The following ATP13A3 variants were observed in gnomAD, a reference collection of about 807,000 sequenced individuals.
ATP13A3 encodes the protein ATPase 13A3, also known as polyamine-transporting ATPase 13A3.
In ATP13A3, 59 loss-of-function variants were observed where a neutral mutation model predicts 158.1. The ratio of observed to expected loss-of-function variants is 0.37; its 90% confidence interval spans 0.30 to 0.46. The LOEUF (loss-of-function observed/expected upper bound fraction) is 0.46. ATP13A3 is among the 20% of genes least tolerant of loss of function. ATP13A3 has a pLI of 1.00. For synonymous variants in ATP13A3, 491 were observed against 504.3 expected, an observed-to-expected ratio of 0.97 and a Z score of 0.35; for missense variants, 1,166 against 1,525.2, an observed-to-expected ratio of 0.76 and a Z score of 3.92.
At position 194,405,948 on chromosome 3, in the gene ATP13A3, C is replaced by G; in HGVS notation, c.3742G>C (p.Gly1248Arg). The change falls in exon 34 of 34, where the codon GGA (glycine) becomes CGA (arginine). Residue 1248 changes from glycine (G) to arginine (R), a missense_variant. By Grantham distance (125) the Gly-to-Arg change is moderately radical. Coordinates refer to ENST00000645319, the MANE Select transcript of ATP13A3 (RefSeq NM_001367549.1). ...GTTATGGTGATGATTTGACATGATC[C>G]ATTCTCCTTAACTAAAGCTTTAGCT... Reference protein sequence around the residue: ...TEAKALVKENGSCQIITIT With the variant: ...TEAKALVKENRSCQIITIT 6.2e-7 allele frequency: 1 copy of G among 1,614,030 alleles called. No homozygotes were observed. The highest frequency in any genetic ancestry group is 2.2e-5 in the East Asian group (1 of 44,864).
Position 194,416,383 on chromosome 3 carries a change from G to A in ATP13A3, c.3403-2544C>T, listed in dbSNP as rs577355310. ...TGAGGCAGGAGAATTGCTTGAACCC[G>A]GGAGGTGGAGGTTGCAGTGAGCCGA... On this transcript the variant is annotated intron_variant, in intron 31 of 33. Coordinates refer to ENST00000645319, the MANE Select transcript of ATP13A3 (RefSeq NM_001367549.1). Among the ~76,000 whole-genome samples, 482 of 152,036 alleles carry A rather than the reference G, an allele frequency of 3.2e-3. 1 individual carries two copies. The highest frequency in any genetic ancestry group is 6.0e-3 in the South Asian group (29 of 4,800).
chr3:194,475,392 A>G (rs1317040696), intron 2 of ATP13A3, among the ~76,000 whole-genome samples: 1 of 152,208 alleles, frequency 6.6e-6, no homozygotes, highest in South Asian at 2.1e-4. Flanking sequence ...GCACAAAATC[A>G]CTAGGAAGCT....
At chr3:194,410,320 A>C (rs9831832) in intron 33 of ATP13A3, among the ~76,000 whole-genome samples, 5,862 of 125,870 alleles carry the variant, frequency 0.047, 525 homozygotes, top group African/African-American at 0.16. Context: ...AAAAAAAAAA[A>C]AAAAAAAAAA....
At chr3:194,415,459 C>T (rs1715764931) in intron 31 of ATP13A3, among the ~76,000 whole-genome samples, 1 of 152,004 alleles carries the variant, frequency 6.6e-6, no homozygotes, top group Non-Finnish European at 1.5e-5. Flanking sequence ...TATCTAAACC[C>T]CTCAATGAAA....
At chr3:194,421,124 A>ATATATATATAGTT (rs1716275350) in intron 30 of ATP13A3, among the ~76,000 whole-genome samples, 1 of 70,598 alleles carries the variant, frequency 1.4e-5, no homozygotes, top group South Asian at 4.6e-4. Flanking sequence ...GTATATATAT[A>ATATATATATAGTT]TATATATATA....
At chr3:194,483,812 G>A (rs941345507) in intron 2 of ATP13A3, among the ~76,000 whole-genome samples, 3 of 152,174 alleles carry the variant, frequency 2.0e-5, no homozygotes, top group Non-Finnish European at 4.4e-5. Context: ...TGCCTATCGA[G>A]CAGCCCTGTT....
Position 194,447,065 on chromosome 3 carries a change from A to G in ATP13A3, c.1359T>C (p.Thr453=), listed in dbSNP as rs1718455247. 1.2e-6 allele frequency: 2 copies of G among 1,612,324 alleles called. No individual in the cohort carries two copies. The highest frequency in any genetic ancestry group is 1.7e-6 in the Non-Finnish European group (2 of 1,179,610). The stretch of plus-strand genomic sequence containing the variant: ...TTGCAGCAGGAAGTGCAGGGGGCAC[A>G]GTAATTGTGATAATATCAAGAGACT... ...IIESLDIITI[T]VPPALPAAMT... Residue 453 remains threonine, a synonymous_variant, in exon 14 of 34, where the codon ACT becomes ACC. Coordinates refer to ENST00000645319, the MANE Select transcript of ATP13A3 (RefSeq NM_001367549.1).
At chr3:194,418,327 A>C (rs944626002) in intron 31 of ATP13A3, among the ~76,000 whole-genome samples, 23 of 151,788 alleles carry the variant, frequency 1.5e-4, no homozygotes, top group African/African-American at 5.6e-4. Flanking sequence ...GTCAGACTAT[A>C]AGTTTGTTTT....
At chr3:194,428,819 A>G in intron 28 of ATP13A3, 26 bp downstream of exon 28, 1 of 1,516,492 alleles carries the variant, frequency 6.6e-7, no homozygotes, top group South Asian at 1.2e-5. Flanking sequence ...ACACTTTAAA[A>G]ATCAATAACA....
intron 30 of ATP13A3, among the ~76,000 whole-genome samples, chr3:194,423,721 C>T (rs569173958): frequency 3.0e-4 from 45 of 152,236 alleles, no homozygotes; most frequent in Non-Finnish European, 5.7e-4. Flanking sequence ...ATTATTTATT[C>T]TAGTAAATTG....
intron 8 of ATP13A3, among the ~76,000 whole-genome samples, chr3:194,454,815 C>T (rs1426158351): frequency 1.3e-5 from 2 of 148,228 alleles, no homozygotes; most frequent in Non-Finnish European, 3.0e-5. Flanking sequence ...CAGAGCGAGA[C>T]TCCGTCTCAA....
intron 2 of ATP13A3, among the ~76,000 whole-genome samples, chr3:194,493,851 A>G (rs1182166196): frequency 6.6e-6 from 1 of 152,154 alleles, no homozygotes; most frequent in African/African-American, 2.4e-5. Context: ...GTTCATTTTC[A>G]TAGACGAAGA....
In ATP13A3 at chr3:194,421,944, C is replaced by CAAAAAAAAAAAAAAAAAAAAAAAAAA. The variant is rs397972334; in HGVS notation, c.3314-1978_3314-1977insTTTTTTTTTTTTTTTTTTTTTTTTTT. On this transcript the variant is annotated intron_variant, in intron 30 of 33. Transcript: ENST00000645319. ...TGGTTCTTGACATGTGTGTCGTTGG[C>CAAAAAAAAAAAAAAAAAAAAAAAAAA]AAAAAAAAAAAAAAAAAATTTACTC... 6.2e-5 allele frequency among the ~76,000 whole-genome samples: 6 copies of CAAAAAAAAAAAAAAAAAAAAAAAAAA among 97,482 alleles called. 1 individual carries two copies. Among genetic ancestry groups the CAAAAAAAAAAAAAAAAAAAAAAAAAA allele is most frequent in the African/African-American group, 2.2e-4 (5 of 23,134 alleles). 64.0% of individuals were successfully genotyped at this position (97,482 alleles called of 152,430 possible). A position where few individuals can be genotyped will look rare whatever the true frequency, so the allele number is the denominator to read the frequency against.
chr3:194,436,713 C>T (rs1346953890), intron 20 of ATP13A3, among the ~76,000 whole-genome samples: 12 of 152,156 alleles, frequency 7.9e-5, no homozygotes, highest in Admixed American at 7.2e-4. Context: ...TCAGGTATGG[C>T]GGCACCCGCC....
chr3:194,433,232 CTTT>C (rs71637136), intron 21 of ATP13A3, among the ~76,000 whole-genome samples: 4 of 113,658 alleles, frequency 3.5e-5, no homozygotes, highest in East Asian at 2.6e-4. Context: ...TTTTACTATT[CTTT>C]TTTTTTTTTT....
At position 194,403,225 on chromosome 3, in the gene ATP13A3, G is replaced by A. The variant is rs1043400260; in HGVS notation, c.*2694C>T. On this transcript the variant is annotated 3_prime_UTR_variant, in exon 34 of 34. Transcript: ENST00000645319. ...ATAAACATGGGGAACAAAATAAATA[G>A]AGTAAAAACTGCAACAGTTTTGTTT... is the stretch of plus-strand genomic sequence containing the variant. 5 of 152,158 alleles carry A rather than the reference G, an allele frequency of 3.3e-5. No individual in the cohort carries two copies. Among genetic ancestry groups the A allele is most frequent in the Non-Finnish European group, 7.4e-5 (5 of 68,000 alleles). 9.4% of individuals were successfully genotyped at this position (152,158 alleles called of 1,614,324 possible).
At chr3:194,460,867 A>C (rs1379709788) in intron 3 of ATP13A3, 36 bp from the exon 4 acceptor site, 1 of 1,572,632 alleles carries the variant, frequency 6.4e-7, no homozygotes. Context: ...TTAATTATCA[A>C]ATGATAAAAT....
At chr3:194,418,584 G>A (rs1035186470) in intron 31 of ATP13A3, among the ~76,000 whole-genome samples, 3 of 152,146 alleles carry the variant, frequency 2.0e-5, no homozygotes, top group Admixed American at 2.0e-4. Flanking sequence ...AACTCCATTA[G>A]TAAAGTTAAT....
intron 2 of ATP13A3, 66 bp from the exon 3 acceptor site, chr3:194,462,302 T>A: frequency 9.3e-7 from 1 of 1,072,230 alleles, no homozygotes; most frequent in African/African-American, 1.6e-5. Context: ...TACAACTGCA[T>A]TCTATCAACT....
Sources: allele counts gnomAD v4.1 joint callset (sites outside exome capture counted in the v4.1 genomes callset), GRCh38; gene constraint gnomAD v4.1.1; transcripts MANE v1.5; gene names NCBI Gene and HGNC (gene_info 2026-07-23, HGNC 2026-07-21).